The following ZC3H12B variants were observed in gnomAD, a reference collection of about 807,000 sequenced individuals.
ZC3H12B encodes the protein zinc finger CCCH-type containing 12B.
ZC3H12B carries 7 observed loss-of-function variants against 43.9 expected under a neutral mutation model. The observed-to-expected ratio is 0.16, with a 90% CI of 0.09 to 0.30. ZC3H12B has a LOEUF of 0.30. ZC3H12B is among the 10% of genes least tolerant of loss of function. The pLI is 1.00. For synonymous variants in ZC3H12B, 222 were observed against 241.7 expected (o/e 0.92, Z 0.76); for missense variants, 475 against 670.2 (o/e 0.71, Z 3.22).
chrX:65,127,982 A>G, the ZC3H12B span, among the ~76,000 whole-genome samples: 1 of 111,802 alleles, frequency 8.9e-6, no homozygotes, highest in Admixed American at 9.5e-5. Flanking sequence ...GCAGACTCAC[A>G]GTTTTTCTGG....
At chrX:65,168,992 G>C in the ZC3H12B span, among the ~76,000 whole-genome samples, 8 of 110,913 alleles carry the variant, frequency 7.2e-5, no homozygotes, top group Non-Finnish European at 1.3e-4. Context: ...ACAAATCCTG[G>C]AGTCATTGAT....
chrX:65,063,119 G>A, the ZC3H12B span, among the ~76,000 whole-genome samples: 1 of 111,838 alleles, frequency 8.9e-6, no homozygotes, highest in African/African-American at 3.3e-5. Flanking sequence ...GACACAATCT[G>A]ACTTTTTTTC....
the ZC3H12B span, among the ~76,000 whole-genome samples, chrX:65,213,308 G>T: frequency 9.1e-6 from 1 of 109,887 alleles, no homozygotes; most frequent in East Asian, 2.8e-4. Context: ...CTTTAGTGAT[G>T]GGCACCTAAT....
chrX:65,294,256 A>G, the ZC3H12B span, among the ~76,000 whole-genome samples: 1 of 111,754 alleles, frequency 8.9e-6, no homozygotes, highest in South Asian at 3.7e-4. Context: ...GGCAAAACTA[A>G]GCTACATAAA....
At chrX:65,366,745 T>C (rs1267402037) in exon 1 of ZC3H12B, 1 of 112,279 alleles carries the variant, frequency 8.9e-6, no homozygotes, top group Non-Finnish European at 1.9e-5. Flanking sequence ...ATCTCCTTCA[T>C]CCTGGTTACA....
chrX:65,449,617 T>A (rs2067440822), intron 3 of ZC3H12B, among the ~76,000 whole-genome samples: 2 of 109,657 alleles, frequency 1.8e-5, no homozygotes, highest in African/African-American at 6.7e-5. Context: ...AGACTCCATC[T>A]CAAAAGAATT....
chrX:65,167,507 G>T, the ZC3H12B span, among the ~76,000 whole-genome samples: 1 of 111,693 alleles, frequency 9.0e-6, no homozygotes, highest in Non-Finnish European at 1.9e-5. Flanking sequence ...TTTAGCTTAG[G>T]ATTGTCTTGG....
At chrX:65,214,759 A>AT in the ZC3H12B span, among the ~76,000 whole-genome samples, 2 of 111,612 alleles carry the variant, frequency 1.8e-5, no homozygotes, top group South Asian at 3.7e-4. Context: ...TGGGATGGTG[A>AT]TTTTTTTCCA....
the ZC3H12B span, among the ~76,000 whole-genome samples, chrX:65,167,600 G>C: frequency 9.0e-6 from 1 of 111,727 alleles, no homozygotes; most frequent in Non-Finnish European, 1.9e-5. Flanking sequence ...GTAGCTTTAT[G>C]GGGATTGCAT....
the ZC3H12B span, among the ~76,000 whole-genome samples, chrX:65,322,067 G>A: frequency 1.8e-5 from 2 of 111,485 alleles, no homozygotes; most frequent in Non-Finnish European, 3.8e-5. Context: ...GCAACAACAA[G>A]CAGCATGTCA....
the ZC3H12B span, among the ~76,000 whole-genome samples, chrX:65,144,547 T>C: frequency 8.9e-6 from 1 of 111,898 alleles, no homozygotes; most frequent in Non-Finnish European, 1.9e-5. Flanking sequence ...TCTAGTTCCT[T>C]GAGGTGTGAA....
chrX:65,120,124 G>A, the ZC3H12B span, among the ~76,000 whole-genome samples: 2 of 111,731 alleles, frequency 1.8e-5, no homozygotes, highest in Admixed American at 9.5e-5. Flanking sequence ...TAACTTGGCA[G>A]TGCAGGCTCT....
the ZC3H12B span, among the ~76,000 whole-genome samples, chrX:65,348,394 A>C: frequency 8.9e-6 from 1 of 111,827 alleles, no homozygotes; most frequent in Non-Finnish European, 1.9e-5. Context: ...AGCCAGTACC[A>C]GCCACTCCAG....
At chrX:65,132,098 TGAGG>T in the ZC3H12B span, among the ~76,000 whole-genome samples, 1 of 110,449 alleles carries the variant, frequency 9.1e-6, no homozygotes, top group Non-Finnish European at 1.9e-5. Flanking sequence ...GAGGCTGGGA[TGAGG>T]GGTGTAGGGG....
the ZC3H12B span, among the ~76,000 whole-genome samples, chrX:65,068,327 T>C: frequency 9.0e-6 from 1 of 110,982 alleles, no homozygotes; most frequent in Non-Finnish European, 1.9e-5. Context: ...TGAAGGTTCT[T>C]TTCTCTGGTG....
At chrX:65,446,600 T>C (rs1042503860) in intron 3 of ZC3H12B, among the ~76,000 whole-genome samples, 2 of 112,085 alleles carry the variant, frequency 1.8e-5, no homozygotes, top group East Asian at 5.6e-4. Flanking sequence ...GGATAAATTC[T>C]GTCCTGTGTT....
intron 3 of ZC3H12B, chrX:65,407,944 A>C: frequency 1.4e-6 from 1 of 735,555 alleles, no homozygotes; most frequent in Non-Finnish European, 2.0e-6. Context: ...CGCCCGGCCT[A>C]GCGCGCCTGC....
At chrX:65,308,646 C>A in the ZC3H12B span, among the ~76,000 whole-genome samples, 1 of 111,636 alleles carries the variant, frequency 9.0e-6, no homozygotes, top group Non-Finnish European at 1.9e-5. Flanking sequence ...ACCTCATAGA[C>A]GTCTACACAA....
intron 3 of ZC3H12B, among the ~76,000 whole-genome samples, chrX:65,418,194 CTTAA>C (rs777571756): frequency 3.6e-5 from 4 of 110,935 alleles, no homozygotes; most frequent in Non-Finnish European, 5.7e-5. Context: ...AGAATGCTAC[CTTAA>C]TTGTTTTACA....
Sources: allele counts gnomAD v4.1 joint callset (sites outside exome capture counted in the v4.1 genomes callset), GRCh38; gene constraint gnomAD v4.1.1; transcripts MANE v1.5; gene names NCBI Gene and HGNC (gene_info 2026-07-23, HGNC 2026-07-21).